The following DPY19L1 variants were observed in gnomAD, a reference collection of about 807,000 sequenced individuals.
DPY19L1 encodes the protein protein C-mannosyl-transferase DPY19L1.
In DPY19L1, 35 loss-of-function variants were observed where a neutral mutation model predicts 96.9. The ratio of observed to expected loss-of-function variants is 0.36; its 90% CI spans 0.28 to 0.48. The LOEUF (loss-of-function observed/expected upper bound fraction) is 0.48. DPY19L1 is among the 20% of genes least tolerant of loss of function. The pLI is 0.99. For synonymous variants in DPY19L1, 205 were observed against 252.6 expected (o/e 0.81, Z 1.79); for missense variants, 521 against 777.9 (o/e 0.67, Z 3.93).
chr7:34,949,656 A>G (rs1784228628), intron 14 of DPY19L1, 141 bp downstream of exon 14: 2 of 585,376 alleles, frequency 3.4e-6, no homozygotes, highest in Non-Finnish European at 6.0e-6. Flanking sequence ...AAACAGAAAA[A>G]TCTTCCTCTA....
chr7:34,942,410 G>T (rs1225251324), intron 17 of DPY19L1, among the ~76,000 whole-genome samples: 1 of 152,188 alleles, frequency 6.6e-6, no homozygotes, highest in African/African-American at 2.4e-5. Context: ...GATGATCAGA[G>T]CAGAACATAT....
At chr7:34,978,703 C>T (rs1358420698) in intron 7 of DPY19L1, among the ~76,000 whole-genome samples, 1 of 152,090 alleles carries the variant, frequency 6.6e-6, no homozygotes, top group Non-Finnish European at 1.5e-5. Flanking sequence ...GAGTATTTCT[C>T]ATCCAAAATC....
At chr7:34,942,519 C>G in intron 17 of DPY19L1, 96 bp downstream of exon 17, 1 of 967,806 alleles carries the variant, frequency 1.0e-6, no homozygotes, top group Non-Finnish European at 1.6e-6. Context: ...TGATTGCTGA[C>G]AATTGCCAAC....
chr7:35,023,840 T>TTC (rs1301926010), intron 1 of DPY19L1, among the ~76,000 whole-genome samples: 1 of 143,116 alleles, frequency 7.0e-6, no homozygotes, highest in Non-Finnish European at 1.5e-5. Context: ...TTTCTTTTTT[T>TTC]TTTTTTTTTT....
intron 3 of DPY19L1, among the ~76,000 whole-genome samples, chr7:35,017,083 T>C: frequency 6.6e-6 from 1 of 152,036 alleles, no homozygotes; most frequent in Non-Finnish European, 1.5e-5. Flanking sequence ...TGTTAAATGT[T>C]TTCCAGTATG....
At chr7:34,938,885 C>T (rs533870403) in intron 20 of DPY19L1, among the ~76,000 whole-genome samples, 3 of 152,258 alleles carry the variant, frequency 2.0e-5, no homozygotes, top group African/African-American at 7.2e-5. Flanking sequence ...GAATGGGATT[C>T]TATTTCAAAT....
chr7:34,934,756 G>C (rs1223776175), intron 21 of DPY19L1, among the ~76,000 whole-genome samples: 1 of 152,186 alleles, frequency 6.6e-6, no homozygotes. Context: ...ACTCCTATGA[G>C]AATCTAATGC....
At chr7:34,969,312 G>T (rs559524541) in intron 9 of DPY19L1, 121 bp downstream of exon 9, 1 of 483,394 alleles carries the variant, frequency 2.1e-6, no homozygotes, top group Admixed American at 4.3e-5. Flanking sequence ...ATTTTTCCTA[G>T]AAAATGTTTT....
intron 7 of DPY19L1, among the ~76,000 whole-genome samples, chr7:34,977,921 GTA>G (rs1314656889): frequency 6.6e-6 from 1 of 151,888 alleles, no homozygotes; most frequent in Non-Finnish European, 1.5e-5. Context: ...CTTCTATCTA[GTA>G]TATAATTTTT....
At chr7:34,958,387 A>G (rs1784422969) in intron 10 of DPY19L1, among the ~76,000 whole-genome samples, 2 of 152,240 alleles carry the variant, frequency 1.3e-5, no homozygotes, top group South Asian at 4.1e-4. Flanking sequence ...TTCCATACAC[A>G]TGCAAGCCAA....
At chr7:34,966,775 G>C (rs1344238808) in intron 10 of DPY19L1, 119 bp downstream of exon 10, 1 of 981,666 alleles carries the variant, frequency 1.0e-6, no homozygotes, top group Middle Eastern at 2.2e-4. Flanking sequence ...CACAATGTTT[G>C]AACAACATTT....
At chr7:35,022,918 G>A (rs1786029303) in intron 1 of DPY19L1, among the ~76,000 whole-genome samples, 1 of 152,200 alleles carries the variant, frequency 6.6e-6, no homozygotes, top group South Asian at 2.1e-4. Context: ...CGGACGCCTT[G>A]GTGCTGGCGG....
chr7:35,018,640 T>C lies in DPY19L1; in HGVS notation c.299-44A>G, dbSNP rs750031389. Reference sequence around the variant, plus strand: ...TTAAATTAGAATTTTAGCATAAACATGTTCATCTTACAGAAAAGCCATTTC... The same window carrying C: ...TTAAATTAGAATTTTAGCATAAACACGTTCATCTTACAGAAAAGCCATTTC... On this transcript the variant is annotated intron_variant, in intron 1 of 21. Coordinates refer to ENST00000638088, the MANE Select transcript of DPY19L1 (RefSeq NM_001366673.1). 9 of 1,541,404 alleles carry C rather than the reference T, an allele frequency of 5.8e-6. No homozygotes were observed. The East Asian group carries it at 1.6e-4, about 27-fold the overall frequency.
At chr7:34,965,549 C>A (rs981821749) in intron 10 of DPY19L1, among the ~76,000 whole-genome samples, 2 of 152,080 alleles carry the variant, frequency 1.3e-5, no homozygotes, top group Non-Finnish European at 2.9e-5. Context: ...GAGCTCAGGG[C>A]ATACAGGACT....
chr7:35,028,150 G>C (rs1331001799), intron 1 of DPY19L1, among the ~76,000 whole-genome samples: 1 of 152,146 alleles, frequency 6.6e-6, no homozygotes, highest in Non-Finnish European at 1.5e-5. Flanking sequence ...TTTCCCATGA[G>C]GCTCAGGGGC....
chr7:34,939,466 A>G, intron 19 of DPY19L1, 91 bp from the exon 20 acceptor site: 1 of 1,109,410 alleles, frequency 9.0e-7, no homozygotes, highest in South Asian at 1.5e-5. Flanking sequence ...CACAGGTAAC[A>G]GAGCGGAAGC....
chr7:34,968,755 A>G (rs1649245), intron 9 of DPY19L1, among the ~76,000 whole-genome samples: 30,568 of 135,110 alleles, frequency 0.23, 4,047 homozygotes, highest in Admixed American at 0.34. Flanking sequence ...GGCGACAGAG[A>G]AAGACTCCAT....
intron 15 of DPY19L1, among the ~76,000 whole-genome samples, 164 bp from the exon 16 acceptor site, chr7:34,945,880 T>C (rs769799649): frequency 1.3e-5 from 2 of 152,216 alleles, no homozygotes; most frequent in Non-Finnish European, 2.9e-5. Flanking sequence ...TTGTATAGTA[T>C]CTGATCAAAG....
At chr7:34,983,111 T>C (rs1253632684) in intron 7 of DPY19L1, among the ~76,000 whole-genome samples, 1 of 152,182 alleles carries the variant, frequency 6.6e-6, no homozygotes, top group East Asian at 1.9e-4. Flanking sequence ...GGGCTTCATG[T>C]GGGATCCAAA....
Sources: allele counts gnomAD v4.1 joint callset (sites outside exome capture counted in the v4.1 genomes callset), GRCh38; gene constraint gnomAD v4.1.1; transcripts MANE v1.5; gene names NCBI Gene and HGNC (gene_info 2026-07-23, HGNC 2026-07-21).